PACS2: variants seen among roughly 807,000 people sequenced by gnomAD.
The protein encoded by PACS2 is phosphofurin acidic cluster sorting protein 2.
In PACS2, 36 loss-of-function variants were observed where a neutral mutation model predicts 113.0. That is an observed-to-expected ratio of 0.32 (90% confidence interval 0.24 to 0.42). PACS2 has a LOEUF of 0.42. Ranked by LOEUF, PACS2 falls within the 10% of genes least tolerant of loss-of-function variation. The probability of loss-of-function intolerance (pLI) is 1.00; values close to 1 mark genes in which losing one functional copy is unlikely to be tolerated. For missense variants in PACS2, 1,015 were observed against 1,239.5 expected, an observed-to-expected ratio of 0.82 and a Z score of 2.72; for synonymous variants, 589 against 536.1, an observed-to-expected ratio of 1.10 and a Z score of -1.36.
At chr14:105,351,032 C>T (rs1333628113) in intron 2 of PACS2, among the ~76,000 whole-genome samples, 10 of 152,202 alleles carry the variant, frequency 6.6e-5, no homozygotes, top group East Asian at 1.9e-4. Context: ...CCTGAGGCCC[C>T]GCTGCTCCCA....
intron 8 of PACS2, among the ~76,000 whole-genome samples, chr14:105,375,391 T>TGGCGTGAACCC (rs1190392776): frequency 4.1e-5 from 6 of 144,916 alleles, no homozygotes; most frequent in Non-Finnish European, 8.9e-5. Flanking sequence ...GGCCGGAGAA[T>TGGCGTGAACCC]GGCGTGAACC....
At chr14:105,319,588 T>A (rs909089789) in intron 1 of PACS2, among the ~76,000 whole-genome samples, 1 of 152,246 alleles carries the variant, frequency 6.6e-6, no homozygotes, top group Non-Finnish European at 1.5e-5. Flanking sequence ...ATCTATAGAT[T>A]ATTTTGTATT....
At chr14:105,392,572 C>A (rs1258601494) in intron 22 of PACS2, 47 bp from the exon 23 acceptor site, 1 of 1,495,206 alleles carries the variant, frequency 6.7e-7, no homozygotes, top group Non-Finnish European at 9.1e-7. Flanking sequence ...GTCCCCATCA[C>A]TAGGCCCAAA....
chr14:105,388,603 C>T (rs1555414130), intron 19 of PACS2: 1 of 152,302 alleles, frequency 6.6e-6, no homozygotes, highest in African/African-American at 2.4e-5. Context: ...AGCCCATGTT[C>T]TGCACCTGGT....
At chr14:105,389,938 A>C in intron 19 of PACS2, 23 bp from the exon 20 acceptor site, 1 of 1,611,258 alleles carries the variant, frequency 6.2e-7, no homozygotes, top group Non-Finnish European at 8.5e-7. Context: ...GGAGAGCTTA[A>C]CTGTCTGTTT....
At position 105,366,209 on chromosome 14, in the gene PACS2, G is replaced by C. The variant is rs782173796; in HGVS notation, c.424-1004G>C. On this transcript the variant is annotated intron_variant, in intron 4 of 24. Transcript: ENST00000447393. This position sits in a 1 kb window ranked among gnomAD's most constrained non-coding sequence, Gnocchi z 4.3. ...CTAAAAATACAAAACTTAGCTGGGC[G>C]TGCTGGCAGATGCCTGTAATCCCAG... is the stretch of plus-strand genomic sequence containing the variant. Among the ~76,000 whole-genome samples, 2 of 152,170 alleles carry C rather than the reference G, an allele frequency of 1.3e-5. No individual in the cohort carries two copies. The highest frequency in any genetic ancestry group is 2.4e-5 in the African/African-American group (1 of 41,436).
chr14:105,316,187 G>GC (rs2058615274), intron 1 of PACS2, among the ~76,000 whole-genome samples: 2 of 152,234 alleles, frequency 1.3e-5, no homozygotes, highest in South Asian at 4.1e-4. Context: ...TGCCCACCCG[G>GC]CACGACTCTT....
rs1555414991 is a variant in PACS2, at chr14:105,391,783, G to T, written c.2255+17G>T. The T allele has an allele frequency of 1.3e-6, 2 of 1,580,032 alleles. No individual in the cohort carries two copies. Among genetic ancestry groups the T allele is most frequent in the South Asian group, 2.3e-5 (2 of 86,614 alleles). Reference sequence around the variant, plus strand: ...CTCCCCCAGGTAAAGGTGCCTCACGGCTCAGCACGTTTCACTTACCCGCCC... The same window carrying T: ...CTCCCCCAGGTAAAGGTGCCTCACGTCTCAGCACGTTTCACTTACCCGCCC... On this transcript the variant is annotated intron_variant, in intron 22 of 24. Transcript: ENST00000447393.
At position 105,358,658 on chromosome 14, in the gene PACS2, C is replaced by T. The variant is rs376878804; in HGVS notation, c.423+3481C>T. On this transcript the variant is annotated intron_variant, in intron 4 of 24. Coordinates refer to ENST00000447393, the MANE Select transcript of PACS2 (RefSeq NM_001100913.3). The surrounding 1 kb of genome is among the most constrained non-coding windows in gnomAD (Gnocchi z 4.9). The stretch of plus-strand genomic sequence containing the variant: ...CAGGCGAAGGGGTGACCTGGGAGTG[C>T]GGTGGTGGCTGAGGGAGCAGCCATG... Among the ~76,000 whole-genome samples the T allele has an allele frequency of 6.6e-5, 10 of 152,248 alleles. No individual in the cohort carries two copies. Among genetic ancestry groups the T allele is most frequent in the African/African-American group, 1.7e-4 (7 of 41,546 alleles).
At chr14:105,353,270 C>G (rs1356955875) in intron 3 of PACS2, among the ~76,000 whole-genome samples, 1 of 135,292 alleles carries the variant, frequency 7.4e-6, no homozygotes, top group Non-Finnish European at 1.6e-5. Flanking sequence ...TCGCTGTCCC[C>G]TGGGGTGACG....
chr14:105,333,484 G>A lies in PACS2; in HGVS notation c.120-15009G>A, dbSNP rs141802840. Among the ~76,000 whole-genome samples, 80 of 152,294 alleles carry A rather than the reference G, an allele frequency of 5.3e-4. 1 individual carries two copies. The East Asian group carries it at 0.015, about 28-fold the overall frequency. ...TGTCCTGCTGGGGGCACAGTGTCTC[G>A]GCAGAAGGTTCTGGCTGCTCCCTGG... is the stretch of plus-strand genomic sequence containing the variant. On this transcript the variant is annotated intron_variant, in intron 1 of 24. Transcript: ENST00000447393.
At chr14:105,314,725 G>C (rs2058484543), upstream of PACS2, 1 of 143,572 alleles carries the variant, frequency 7.0e-6, no homozygotes, top group South Asian at 2.2e-4. Flanking sequence ...GCGGGGCGCC[G>C]GGCGGGGCGG....
In PACS2 at chr14:105,356,444, TCCAGGCTGCACTTCC is replaced by T. The variant is rs1293185957; in HGVS notation, c.423+1269_423+1283del. ...ACGGACAGCACGGGTGGACCGGGCC[TCCAGGCTGCACTTCC>T]CAGGGCCCTGGGACCCCTCTGGTGG... On this transcript the variant is annotated intron_variant, in intron 4 of 24. Transcript: ENST00000447393. This position sits in a 1 kb window ranked among gnomAD's most constrained non-coding sequence, Gnocchi z 4.0. Among the ~76,000 whole-genome samples, 8 of 152,122 alleles carry T rather than the reference TCCAGGCTGCACTTCC, an allele frequency of 5.3e-5. No individual in the cohort carries two copies. Among genetic ancestry groups the T allele is most frequent in the Admixed American group, 1.3e-4 (2 of 15,282 alleles).
At chr14:105,320,047 A>G (rs935371802) in intron 1 of PACS2, among the ~76,000 whole-genome samples, 1 of 151,622 alleles carries the variant, frequency 6.6e-6, no homozygotes, top group Middle Eastern at 3.5e-3. Context: ...GCGTGATCTC[A>G]GCTCACTGCA....
chr14:105,325,057 G>C (rs748862280), intron 1 of PACS2, among the ~76,000 whole-genome samples: 5 of 152,042 alleles, frequency 3.3e-5, no homozygotes, highest in Non-Finnish European at 7.4e-5. Context: ...TGGCCAAGCT[G>C]TGGGCACCCC....
intron 24 of PACS2, among the ~76,000 whole-genome samples, chr14:105,393,791 G>A (rs587736448): frequency 2.4e-4 from 37 of 151,898 alleles, no homozygotes; most frequent in South Asian, 1.0e-3. Flanking sequence ...GGGTTTTACC[G>A]TGTTGGCCAG....
rs1264749737 is a variant in PACS2 at position 105,355,679 on chromosome 14, G to T, written c.423+502G>T. On this transcript the variant is annotated intron_variant, in intron 4 of 24. Coordinates refer to ENST00000447393, the MANE Select transcript of PACS2 (RefSeq NM_001100913.3). The surrounding 1 kb of genome is among the most constrained non-coding windows in gnomAD (Gnocchi z 4.1). ...GCAGCACCCAGAGGTCAGAGGGGTG[G>T]CTGGAGTTCCCTGGAGGGGAAAGAA... Among the ~76,000 whole-genome samples, 1 of 152,218 alleles carries T rather than the reference G, an allele frequency of 6.6e-6. No homozygotes were observed. Among genetic ancestry groups the T allele is most frequent in the African/African-American group, 2.4e-5 (1 of 41,452 alleles).
chr14:105,390,914 G>A (rs983975925), intron 20 of PACS2: 32 of 475,080 alleles, frequency 6.7e-5, no homozygotes, highest in Middle Eastern at 5.6e-4. Context: ...TCTCACCAGC[G>A]TCCTGTTTTT....
At chr14:105,326,465 G>A (rs1009421618) in intron 1 of PACS2, among the ~76,000 whole-genome samples, 1 of 152,264 alleles carries the variant, frequency 6.6e-6, no homozygotes, top group African/African-American at 2.4e-5. Flanking sequence ...CCTTCCTGGT[G>A]CGGTGCTGAA....
Sources: allele counts gnomAD v4.1 joint callset (sites outside exome capture counted in the v4.1 genomes callset), GRCh38; gene constraint gnomAD v4.1.1; non-coding constraint Gnocchi (gnomAD v3.1); transcripts MANE v1.5; gene names NCBI Gene and HGNC (gene_info 2026-07-23, HGNC 2026-07-21).